The following ABTB3 variants were observed in gnomAD, a reference collection of about 807,000 sequenced individuals.
The protein encoded by ABTB3 is ankyrin repeat and BTB domain containing 3.
At chr12:107,651,546 C>T in the ABTB3 span, 1 of 541,156 alleles carries the variant, frequency 1.8e-6, no homozygotes, top group Non-Finnish European at 3.5e-6. Context: ...TGCATCATTT[C>T]CCGTCCCCTA....
the ABTB3 span, among the ~76,000 whole-genome samples, chr12:107,583,181 G>A: frequency 1.3e-5 from 2 of 152,314 alleles, no homozygotes; most frequent in Admixed American, 1.3e-4. Flanking sequence ...GTAGGATAAT[G>A]AACGTGCAGT....
the ABTB3 span, among the ~76,000 whole-genome samples, chr12:107,448,853 G>A: frequency 2.0e-5 from 3 of 152,170 alleles, no homozygotes; most frequent in Non-Finnish European, 4.4e-5. Flanking sequence ...TTATGGGCGT[G>A]AGCCACCACA....
At chr12:107,503,718 C>G in the ABTB3 span, among the ~76,000 whole-genome samples, 1 of 141,152 alleles carries the variant, frequency 7.1e-6, no homozygotes, top group African/African-American at 2.8e-5. Context: ...GATTGCGCCA[C>G]TGCCCTCCAG....
the ABTB3 span, among the ~76,000 whole-genome samples, chr12:107,656,191 C>G: frequency 1.3e-5 from 2 of 151,260 alleles, no homozygotes; most frequent in Non-Finnish European, 2.9e-5. Flanking sequence ...GTCCCAGCTA[C>G]TCAGAAGGCC....
the ABTB3 span, among the ~76,000 whole-genome samples, chr12:107,549,698 A>G: frequency 3.3e-5 from 5 of 152,350 alleles, no homozygotes; most frequent in East Asian, 3.9e-4. Flanking sequence ...GAAACCTTAT[A>G]AAAATTGCAG....
chr12:107,552,431 C>G, the ABTB3 span, among the ~76,000 whole-genome samples: 1 of 152,220 alleles, frequency 6.6e-6, no homozygotes. Context: ...GCGATAAGCA[C>G]TATGACTATA....
chr12:107,582,059 A>G, the ABTB3 span, among the ~76,000 whole-genome samples: 1 of 151,986 alleles, frequency 6.6e-6, no homozygotes, highest in African/African-American at 2.4e-5. Context: ...CCTTTCCTCC[A>G]CAGTTCATCC....
chr12:107,580,806 CAA>C, the ABTB3 span: 1 of 1,510,856 alleles, frequency 6.6e-7, no homozygotes, highest in Non-Finnish European at 8.9e-7. Context: ...CTTGGTGCTT[CAA>C]GTGACTCATC....
the ABTB3 span, among the ~76,000 whole-genome samples, chr12:107,586,232 A>G: frequency 3.3e-5 from 5 of 152,124 alleles, no homozygotes; most frequent in Admixed American, 3.3e-4. Flanking sequence ...CCATAAGCCA[A>G]CTAGAGCTGC....
chr12:107,621,822 A>G, the ABTB3 span, among the ~76,000 whole-genome samples: 3 of 152,240 alleles, frequency 2.0e-5, no homozygotes, highest in Non-Finnish European at 4.4e-5. Context: ...TGGACAGCTC[A>G]TTAGATAGGA....
At chr12:107,356,816 C>T in the ABTB3 span, among the ~76,000 whole-genome samples, 2 of 152,224 alleles carry the variant, frequency 1.3e-5, no homozygotes. Context: ...GTCAGAAGAT[C>T]TGTCAGTGAT....
chr12:107,545,945 G>A, the ABTB3 span, among the ~76,000 whole-genome samples: 28 of 152,192 alleles, frequency 1.8e-4, no homozygotes, highest in Middle Eastern at 3.4e-3. Flanking sequence ...CCGTCTCCCC[G>A]CTGCAGCTAG....
At chr12:107,478,176 G>C in the ABTB3 span, among the ~76,000 whole-genome samples, 1 of 152,214 alleles carries the variant, frequency 6.6e-6, no homozygotes, top group Non-Finnish European at 1.5e-5. Flanking sequence ...TCCTACAATT[G>C]TGTCAGTCCA....
chr12:107,507,478 G>T, the ABTB3 span, among the ~76,000 whole-genome samples: 2 of 152,068 alleles, frequency 1.3e-5, no homozygotes, highest in Non-Finnish European at 2.9e-5. Flanking sequence ...CCCTCTGATG[G>T]TTATTCTGGC....
At chr12:107,394,132 A>C in the ABTB3 span, among the ~76,000 whole-genome samples, 75 of 152,220 alleles carry the variant, frequency 4.9e-4, no homozygotes, top group African/African-American at 1.7e-3. Flanking sequence ...CCCATCAATC[A>C]TCACCCAAAC....
chr12:107,368,140 A>C, the ABTB3 span, among the ~76,000 whole-genome samples: 2 of 152,228 alleles, frequency 1.3e-5, no homozygotes, highest in Non-Finnish European at 2.9e-5. Context: ...AAAATTATGC[A>C]GGTTTACTGC....
chr12:107,478,288 G>T, the ABTB3 span, among the ~76,000 whole-genome samples: 1 of 152,130 alleles, frequency 6.6e-6, no homozygotes, highest in Admixed American at 6.5e-5. Context: ...AATTTTTAAG[G>T]ACAAATGGTC....
chr12:107,601,851 A>T, the ABTB3 span, among the ~76,000 whole-genome samples: 1 of 152,262 alleles, frequency 6.6e-6, no homozygotes, highest in Admixed American at 6.5e-5. Flanking sequence ...ATTTGTTAAT[A>T]AAGCATGTTA....
the ABTB3 span, among the ~76,000 whole-genome samples, chr12:107,636,233 A>G: frequency 6.6e-6 from 1 of 152,104 alleles, no homozygotes; most frequent in Non-Finnish European, 1.5e-5. Context: ...CTTTCAGAGG[A>G]TCCTGGGGCT....
Sources: allele counts gnomAD v4.1 joint callset (sites outside exome capture counted in the v4.1 genomes callset), GRCh38; gene constraint gnomAD v4.1.1; transcripts MANE v1.5; gene names NCBI Gene and HGNC (gene_info 2026-07-23, HGNC 2026-07-21).